SLC7A11: variants seen among roughly 807,000 people sequenced by gnomAD.
SLC7A11 encodes solute carrier family 7 member 11.
SLC7A11 carries 35 observed loss-of-function variants against 54.5 expected under a neutral mutation model. The ratio of observed to expected loss-of-function variants is 0.64; its 90% CI spans 0.49 to 0.85. The LOEUF (loss-of-function observed/expected upper bound fraction) is 0.85, where lower values mean the gene tolerates loss of function less well. SLC7A11 is among the 40% of genes least tolerant of loss of function. SLC7A11 has a pLI of 0.00. For synonymous variants in SLC7A11, 230 were observed against 225.2 expected (o/e 1.02, Z -0.19); for missense variants, 583 against 618.1 (o/e 0.94, Z 0.60).
chr4:138,240,806 A>C lies in SLC7A11; in HGVS notation c.277+987T>G, dbSNP rs112702246. ...TCCCAAGAAGAGTAAATAAATCCTC[A>C]TAGCATAAATCAAATTTAATGTTTG... On this transcript the variant is annotated intron_variant, in intron 1 of 11. Coordinates refer to ENST00000280612, the MANE Select transcript of SLC7A11 (RefSeq NM_014331.4). Among the ~76,000 whole-genome samples the C allele has an allele frequency of 9.5e-3, 1,441 of 152,336 alleles. 37 individuals are homozygous for C. The highest frequency in any genetic ancestry group is 0.033 in the African/African-American group (1,356 of 41,568).
At chr4:138,218,213 T>C (rs931315115) in intron 5 of SLC7A11, among the ~76,000 whole-genome samples, 8 of 152,110 alleles carry the variant, frequency 5.3e-5, no homozygotes, top group African/African-American at 1.9e-4. Flanking sequence ...TCTTAAAAAC[T>C]AAAAAAACAA....
At chr4:138,172,680 G>A (rs1325592115) in intron 11 of SLC7A11, among the ~76,000 whole-genome samples, 1 of 152,172 alleles carries the variant, frequency 6.6e-6, no homozygotes, top group Non-Finnish European at 1.5e-5. Context: ...TGTAGGAACT[G>A]AGGGCATCCC....
chr4:138,174,924 A>T (rs1398906569), intron 11 of SLC7A11, among the ~76,000 whole-genome samples: 2 of 152,176 alleles, frequency 1.3e-5, no homozygotes, highest in African/African-American at 2.4e-5. Flanking sequence ...TGGTACCAAT[A>T]TGGGAACTAC....
chr4:138,180,887 ATTAT>A (rs1736725235), intron 9 of SLC7A11, 97 bp from the exon 10 acceptor site: 2 of 1,029,884 alleles, frequency 1.9e-6, no homozygotes, highest in Non-Finnish European at 1.4e-6. Flanking sequence ...TTTTCAAATA[ATTAT>A]TTATACCGAT....
chr4:138,240,531 C>T (rs1197126104), intron 1 of SLC7A11, among the ~76,000 whole-genome samples: 1 of 149,040 alleles, frequency 6.7e-6, no homozygotes, highest in Admixed American at 6.8e-5. Context: ...CACACCACTG[C>T]ACTCCAGCCT....
chr4:138,199,286 CAT>C (rs535796142), intron 6 of SLC7A11, among the ~76,000 whole-genome samples: 140 of 151,536 alleles, frequency 9.2e-4, no homozygotes, highest in African/African-American at 3.2e-3. Context: ...TTAATTTCAT[CAT>C]ATTTTTTTGG....
intron 2 of SLC7A11, 76 bp downstream of exon 2, chr4:138,236,249 C>T: frequency 7.7e-7 from 1 of 1,301,668 alleles, no homozygotes; most frequent in Non-Finnish European, 1.1e-6. Context: ...TGTGTCTAAC[C>T]AGTTAAAAAT....
rs1414949460 is a variant in SLC7A11, at chr4:138,170,010, G to A, written c.*1946C>T. The A allele has an allele frequency of 6.6e-6, 1 of 150,902 alleles. No individual in the cohort carries two copies. Among genetic ancestry groups the A allele is most frequent in the African/African-American group, 2.4e-5 (1 of 41,104 alleles). The allele number at this position is 150,902 out of a possible 1,614,324, so 9.3% of individuals were successfully genotyped here. The stretch of plus-strand genomic sequence containing the variant: ...AATTATAGGTCATCATTTCTACTTT[G>A]GACAATTTTTTATGAATTCTATGTT... On this transcript the variant is annotated 3_prime_UTR_variant, in exon 12 of 12. Transcript: ENST00000280612.
At chr4:138,214,389 A>G (rs1020148262) in intron 6 of SLC7A11, among the ~76,000 whole-genome samples, 196 bp downstream of exon 6, 2 of 151,008 alleles carry the variant, frequency 1.3e-5, no homozygotes, top group Non-Finnish European at 3.0e-5. Flanking sequence ...CTATTTGTAT[A>G]TAATTATAAA....
At chr4:138,197,445 TTTAA>T (rs1245336451) in intron 6 of SLC7A11, among the ~76,000 whole-genome samples, 6 of 152,102 alleles carry the variant, frequency 3.9e-5, no homozygotes, top group Non-Finnish European at 7.4e-5. Context: ...GGGAAGTTAC[TTTAA>T]TTAGTTAACA....
In SLC7A11 at chr4:138,204,987, T is replaced by G. The variant is rs113842154; in HGVS notation, c.791+9598A>C. ...TAATTTTTTCAAAGATTATAAAATATTCTAATCTTTGAAGAATATAGGTTT... is the reference window on the plus strand; with the variant it reads ...TAATTTTTTCAAAGATTATAAAATAGTCTAATCTTTGAAGAATATAGGTTT... On this transcript the variant is annotated intron_variant, in intron 6 of 11. Coordinates refer to ENST00000280612, the MANE Select transcript of SLC7A11 (RefSeq NM_014331.4). Among the ~76,000 whole-genome samples, 621 of 152,156 alleles carry G rather than the reference T, an allele frequency of 4.1e-3. 2 individuals carry two copies. Among genetic ancestry groups the G allele is most frequent in the African/African-American group, 0.014 (600 of 41,554 alleles).
chr4:138,172,091 T>A, intron 11 of SLC7A11, 74 bp from the exon 12 acceptor site: 1 of 1,465,926 alleles, frequency 6.8e-7, no homozygotes, highest in Non-Finnish European at 9.1e-7. Flanking sequence ...ATATGAATTA[T>A]TTTGGGTTGA....
intron 6 of SLC7A11, among the ~76,000 whole-genome samples, chr4:138,209,711 G>A (rs1737501678): frequency 6.6e-6 from 1 of 151,850 alleles, no homozygotes; most frequent in Non-Finnish European, 1.5e-5. Context: ...TCTGCAAGGA[G>A]AGCTATAAAA....
chr4:138,186,425 G>A lies in SLC7A11; in HGVS notation c.792-1181C>T, dbSNP rs997703533. On this transcript the variant is annotated intron_variant, in intron 6 of 11. Transcript: ENST00000280612. ...ACACTAAGTCCCAGCACATTATACC[G>A]AACAGCGATATCCCCTGTTGAAAAC... 5.9e-5 allele frequency among the ~76,000 whole-genome samples: 9 copies of A among 152,052 alleles called. No individual in the cohort carries two copies. The South Asian group carries it at 1.2e-3, about 21-fold the overall frequency.
chr4:138,215,084 C>A (rs1385016771), intron 5 of SLC7A11, among the ~76,000 whole-genome samples: 1 of 152,052 alleles, frequency 6.6e-6, no homozygotes, highest in African/African-American at 2.4e-5. Flanking sequence ...AGCACACGAG[C>A]ACAAAAGTGT....
At chr4:138,240,772 C>A (rs968984617) in intron 1 of SLC7A11, among the ~76,000 whole-genome samples, 3 of 152,108 alleles carry the variant, frequency 2.0e-5, no homozygotes, top group African/African-American at 4.8e-5. Flanking sequence ...CTTTAAAGTA[C>A]AGAATCTTTC....
chr4:138,185,305 A>G (rs932432612), intron 6 of SLC7A11, 61 bp from the exon 7 acceptor site: 39 of 1,537,524 alleles, frequency 2.5e-5, no homozygotes, highest in Middle Eastern at 1.7e-4. Flanking sequence ...CTGATACCGA[A>G]GAAAATAACA....
In SLC7A11 at chr4:138,232,385, A is replaced by T. The variant is rs142339109; in HGVS notation, c.405-3T>A. The T allele has an allele frequency of 1.5e-3, 1,977 of 1,355,760 alleles. 20 individuals carry two copies. In the African/African-American group the frequency reaches 0.026, roughly 18 times the overall value. The allele number at this position is 1,355,760 out of a possible 1,614,324, so 84.0% of individuals were successfully genotyped here. On this transcript the variant is annotated splice_region_variant and splice_polypyrimidine_tract_variant and intron_variant, in intron 2 of 11. Coordinates refer to ENST00000280612, the MANE Select transcript of SLC7A11 (RefSeq NM_014331.4). ...ATATCACAGCAGTAGCTGCAGGGCT[A>T]AAAAAAAATGTATATATTTAGGTTA...
At chr4:138,189,344 G>A (rs1736954174) in intron 6 of SLC7A11, among the ~76,000 whole-genome samples, 1 of 152,112 alleles carries the variant, frequency 6.6e-6, no homozygotes, top group African/African-American at 2.4e-5. Context: ...AACAACCCAT[G>A]GAAACAGGAA....
Sources: allele counts gnomAD v4.1 joint callset (sites outside exome capture counted in the v4.1 genomes callset), GRCh38; gene constraint gnomAD v4.1.1; transcripts MANE v1.5; gene names NCBI Gene and HGNC (gene_info 2026-07-23, HGNC 2026-07-21).